Variants in SLC16A10 observed in about 807,000 individuals in gnomAD.
The protein encoded by SLC16A10 is solute carrier family 16 member 10.
A neutral mutation model predicts 40.0 loss-of-function variants in SLC16A10; 27 were observed. That is an observed-to-expected ratio of 0.67 (90% CI 0.50 to 0.93). The LOEUF (loss-of-function observed/expected upper bound fraction) is 0.93, where lower values mean the gene tolerates loss of function less well. Ranked by LOEUF, SLC16A10 falls within the 40% of genes least tolerant of loss-of-function variation. The pLI is 0.00. For missense variants in SLC16A10, 529 were observed against 658.2 expected, an observed-to-expected ratio of 0.80 and a Z score of 2.15; for synonymous variants, 213 against 249.8, an observed-to-expected ratio of 0.85 and a Z score of 1.39.
At chr6:111,114,688 G>C (rs1314970977) in intron 1 of SLC16A10, among the ~76,000 whole-genome samples, 1 of 152,090 alleles carries the variant, frequency 6.6e-6, no homozygotes, top group Admixed American at 6.5e-5. Context: ...ATAAAGGGAG[G>C]GAGGGAAATG....
At chr6:111,114,189 C>A (rs191423279) in intron 1 of SLC16A10, among the ~76,000 whole-genome samples, 4 of 152,260 alleles carry the variant, frequency 2.6e-5, no homozygotes, top group Admixed American at 6.5e-5. Flanking sequence ...AAGCATAGGA[C>A]TTCTGTCTTA....
chr6:111,183,424 A>T (rs147132322), intron 3 of SLC16A10, among the ~76,000 whole-genome samples: 5 of 152,226 alleles, frequency 3.3e-5, no homozygotes, highest in Non-Finnish European at 7.3e-5. Flanking sequence ...GATCTATTTC[A>T]TTCAGTGGTA....
intron 1 of SLC16A10, among the ~76,000 whole-genome samples, chr6:111,167,662 TGA>T (rs142460950): frequency 1.2e-4 from 18 of 150,086 alleles, no homozygotes; most frequent in East Asian, 2.0e-4. Flanking sequence ...TGTGTGTATG[TGA>T]GAGAGAGAGA....
At chr6:111,108,696 T>G (rs1027342929) in intron 1 of SLC16A10, among the ~76,000 whole-genome samples, 2 of 152,198 alleles carry the variant, frequency 1.3e-5, no homozygotes, top group Non-Finnish European at 2.9e-5. Context: ...GTATTCACCC[T>G]TTGAAATTTG....
At chr6:111,116,254 G>C (rs955317120) in intron 1 of SLC16A10, among the ~76,000 whole-genome samples, 2 of 151,658 alleles carry the variant, frequency 1.3e-5, no homozygotes, top group Non-Finnish European at 2.9e-5. Flanking sequence ...GTCTCTCTCT[G>C]TTGCCCAGGC....
At chr6:111,151,402 C>T (rs879537740) in intron 1 of SLC16A10, among the ~76,000 whole-genome samples, 3 of 152,196 alleles carry the variant, frequency 2.0e-5, no homozygotes, top group Non-Finnish European at 2.9e-5. Flanking sequence ...TTGCCACTCC[C>T]TTCATCTTTT....
At chr6:111,112,633 A>G (rs1771410535) in intron 1 of SLC16A10, among the ~76,000 whole-genome samples, 1 of 152,250 alleles carries the variant, frequency 6.6e-6, no homozygotes, top group African/African-American at 2.4e-5. Flanking sequence ...CTTCATATGA[A>G]GTAGGCAAAA....
At chr6:111,210,159 G>A (rs1304011296) in intron 4 of SLC16A10, among the ~76,000 whole-genome samples, 4 of 152,006 alleles carry the variant, frequency 2.6e-5, no homozygotes, top group Non-Finnish European at 5.9e-5. Flanking sequence ...ATGAACTAAG[G>A]GCTCTACATG....
chr6:111,157,315 G>T (rs751442171), intron 1 of SLC16A10, among the ~76,000 whole-genome samples: 35 of 151,876 alleles, frequency 2.3e-4, no homozygotes, highest in Non-Finnish European at 2.6e-4. Flanking sequence ...ATGGAGTCTT[G>T]TACTGTCACC....
intron 1 of SLC16A10, among the ~76,000 whole-genome samples, chr6:111,121,169 A>T (rs1326698400): frequency 6.6e-6 from 1 of 152,228 alleles, no homozygotes; most frequent in Non-Finnish European, 1.5e-5. Context: ...AGCAAAATGT[A>T]ATGACACGTG....
At chr6:111,118,383 T>G (rs1341457991) in intron 1 of SLC16A10, among the ~76,000 whole-genome samples, 1 of 151,426 alleles carries the variant, frequency 6.6e-6, no homozygotes, top group African/African-American at 2.5e-5. Flanking sequence ...GTCTAGCACC[T>G]GTAAAGATGA....
At chr6:111,099,599 G>A (rs1200056874) in intron 1 of SLC16A10, among the ~76,000 whole-genome samples, 1 of 152,108 alleles carries the variant, frequency 6.6e-6, no homozygotes, top group Non-Finnish European at 1.5e-5. Flanking sequence ...ATAGATGTGA[G>A]CCACCATGTT....
At chr6:111,103,592 T>G (rs1771228842) in intron 1 of SLC16A10, among the ~76,000 whole-genome samples, 1 of 152,190 alleles carries the variant, frequency 6.6e-6, no homozygotes, top group Admixed American at 6.5e-5. Flanking sequence ...TTCCATGCTC[T>G]TGAGAGGTCA....
chr6:111,148,758 G>T (rs1486969699), intron 1 of SLC16A10, among the ~76,000 whole-genome samples: 3 of 152,166 alleles, frequency 2.0e-5, no homozygotes, highest in Non-Finnish European at 4.4e-5. Context: ...CCTTGGGCAA[G>T]TTGTTTAACC....
At chr6:111,148,013 T>A (rs1214109067) in intron 1 of SLC16A10, among the ~76,000 whole-genome samples, 2 of 152,190 alleles carry the variant, frequency 1.3e-5, no homozygotes, top group Non-Finnish European at 1.5e-5. Flanking sequence ...TACTATACTT[T>A]AAATAGATGC....
rs780934303 is a variant in SLC16A10 at position 111,218,798 on chromosome 6, G to T, written c.1087-16G>T. The T allele has an allele frequency of 1.9e-6, 3 of 1,609,676 alleles. No homozygotes were observed. The East Asian group carries it at 6.7e-5, about 36-fold the overall frequency. On this transcript the variant is annotated splice_polypyrimidine_tract_variant and intron_variant, in intron 4 of 5. Coordinates refer to ENST00000368851, the MANE Select transcript of SLC16A10 (RefSeq NM_018593.5). ...GCTTCCTGCGAGCGGAGCTGACCTTGTGGTGTCCGTCCTAGGTACTCTCCT... is the reference window on the plus strand; with the variant it reads ...GCTTCCTGCGAGCGGAGCTGACCTTTTGGTGTCCGTCCTAGGTACTCTCCT...
intron 5 of SLC16A10, among the ~76,000 whole-genome samples, chr6:111,220,409 G>A (rs1303537014): frequency 6.6e-6 from 1 of 152,110 alleles, no homozygotes; most frequent in Non-Finnish European, 1.5e-5. Flanking sequence ...GTATTACTTG[G>A]GTGCCTGTGT....
chr6:111,164,597 T>A (rs1245836125), intron 1 of SLC16A10, among the ~76,000 whole-genome samples: 1 of 148,432 alleles, frequency 6.7e-6, no homozygotes, highest in Non-Finnish European at 1.5e-5. Context: ...CCGTCTCTAC[T>A]AAAAAAAAAA....
In SLC16A10 at chr6:111,227,556, G is replaced by A. The variant is rs1455666297; in HGVS notation, c.*5321G>A. 3 of 152,088 alleles carry A rather than the reference G, an allele frequency of 2.0e-5. No individual in the cohort carries two copies. Among genetic ancestry groups the A allele is most frequent in the African/African-American group, 7.2e-5 (3 of 41,412 alleles). 9.4% of individuals were successfully genotyped at this position (152,088 alleles called of 1,614,324 possible). A position where few individuals can be genotyped will look rare whatever the true frequency, so the allele number is the denominator to read the frequency against. Reference sequence around the variant, plus strand: ...ACTCAGGACGTAGTTTACTTAGCTTGCCTTTTTTAAAATTATCAAATTTTA... The same window carrying A: ...ACTCAGGACGTAGTTTACTTAGCTTACCTTTTTTAAAATTATCAAATTTTA... On this transcript the variant is annotated 3_prime_UTR_variant, in exon 6 of 6. Coordinates refer to ENST00000368851, the MANE Select transcript of SLC16A10 (RefSeq NM_018593.5).
Sources: gnomAD v4.1 joint callset for allele counts (sites outside exome capture counted in the v4.1 genomes callset) on GRCh38, gnomAD v4.1.1 for gene constraint, MANE v1.5 for transcripts, NCBI Gene and HGNC (gene_info 2026-07-23, HGNC 2026-07-21) for gene names.